Variants in CLCN3 observed in about 807,000 individuals in gnomAD.
CLCN3 encodes the protein H(+)/Cl(-) exchange transporter 3.
A neutral mutation model predicts 83.4 loss-of-function variants in CLCN3; 16 were observed. That is an observed-to-expected ratio of 0.19 (90% confidence interval 0.13 to 0.29). CLCN3 has a LOEUF of 0.29. CLCN3 is among the 10% of genes least tolerant of loss of function. The probability of loss-of-function intolerance (pLI) is 1.00; values close to 1 mark genes in which losing one functional copy is unlikely to be tolerated. For missense variants in CLCN3, 544 were observed against 1,006.0 expected (o/e 0.54, Z 6.21); for synonymous variants, 322 against 346.2 (o/e 0.93, Z 0.78).
chr4:169,715,923 T>C (rs1733406728), intron 12 of CLCN3, among the ~76,000 whole-genome samples: 1 of 152,128 alleles, frequency 6.6e-6, no homozygotes, highest in Non-Finnish European at 1.5e-5. Context: ...ATGTTGATAT[T>C]CTTTGATTCC....
intron 9 of CLCN3, among the ~76,000 whole-genome samples, chr4:169,698,166 G>A (rs1360028052): frequency 6.6e-6 from 1 of 152,166 alleles, no homozygotes; most frequent in Non-Finnish European, 1.5e-5. Context: ...TTTGATAGAG[G>A]CATGGAGTGC....
intron 2 of CLCN3, among the ~76,000 whole-genome samples, chr4:169,673,473 C>T (rs1368584457): frequency 1.3e-5 from 2 of 152,026 alleles, no homozygotes; most frequent in Non-Finnish European, 2.9e-5. Flanking sequence ...ATTTTGTTTG[C>T]TTATTATCTT....
At chr4:169,626,882 C>A (rs574124555) in intron 1 of CLCN3, among the ~76,000 whole-genome samples, 5 of 152,188 alleles carry the variant, frequency 3.3e-5, no homozygotes, top group Non-Finnish European at 7.4e-5. Context: ...AAACCAGGAA[C>A]CATGGATGAA....
chr4:169,645,488 G>A (rs1019418766), intron 2 of CLCN3, among the ~76,000 whole-genome samples: 14 of 152,112 alleles, frequency 9.2e-5, no homozygotes, highest in Admixed American at 2.6e-4. Flanking sequence ...TTTGGCTGCA[G>A]AATTAGAAAA....
chr4:169,686,846 AGATCT>A (rs1258691499), intron 3 of CLCN3, among the ~76,000 whole-genome samples: 1 of 152,190 alleles, frequency 6.6e-6, no homozygotes, highest in African/African-American at 2.4e-5. Context: ...TAGTATAGTG[AGATCT>A]GGATCAAATC....
At chr4:169,679,715 C>T (rs1299409728) in intron 2 of CLCN3, among the ~76,000 whole-genome samples, 1 of 152,192 alleles carries the variant, frequency 6.6e-6, no homozygotes, top group Non-Finnish European at 1.5e-5. Flanking sequence ...ACGGCAAAAC[C>T]CCATCTCCAC....
intron 2 of CLCN3, among the ~76,000 whole-genome samples, chr4:169,678,220 A>G (rs1414266798): frequency 3.3e-5 from 5 of 152,224 alleles, no homozygotes; most frequent in Non-Finnish European, 1.5e-5. Flanking sequence ...TACAGAGTCT[A>G]TTCCCTAATC....
chr4:169,681,778 G>T (rs773333632), intron 3 of CLCN3, among the ~76,000 whole-genome samples: 3 of 152,074 alleles, frequency 2.0e-5, no homozygotes, highest in Non-Finnish European at 4.4e-5. Flanking sequence ...ACATTTTTAC[G>T]AAACTATATT....
chr4:169,694,503 T>C (rs531592119), intron 7 of CLCN3, among the ~76,000 whole-genome samples: 1 of 152,344 alleles, frequency 6.6e-6, no homozygotes, highest in Non-Finnish European at 1.5e-5. Flanking sequence ...AGAAATACTT[T>C]AGGTAGCTTT....
chr4:169,663,756 G>A, intron 2 of CLCN3: 1 of 275,762 alleles, frequency 3.6e-6, no homozygotes, highest in Non-Finnish European at 7.3e-6. Flanking sequence ...GAATTGTTAA[G>A]GAAAAGTCAG....
intron 2 of CLCN3, among the ~76,000 whole-genome samples, chr4:169,646,381 A>G (rs889022507): frequency 2.0e-5 from 3 of 151,914 alleles, no homozygotes; most frequent in African/African-American, 7.3e-5. Context: ...TCCCAGGTGG[A>G]GTGTTGAAGT....
intron 3 of CLCN3, among the ~76,000 whole-genome samples, chr4:169,686,409 T>C (rs1483296048): frequency 6.7e-6 from 1 of 150,146 alleles, no homozygotes; most frequent in East Asian, 2.0e-4. Flanking sequence ...AGTCCTGGGC[T>C]GAAAATTGAC....
At chr4:169,693,930 TTGTG>T (rs1364139621) in intron 7 of CLCN3, among the ~76,000 whole-genome samples, 1 of 152,206 alleles carries the variant, frequency 6.6e-6, no homozygotes, top group Non-Finnish European at 1.5e-5. Flanking sequence ...TCCCATAGTT[TTGTG>T]TAGACAAGAG....
chr4:169,716,098 A>C (rs185385103), intron 12 of CLCN3, among the ~76,000 whole-genome samples: 1 of 152,296 alleles, frequency 6.6e-6, no homozygotes, highest in East Asian at 1.9e-4. Flanking sequence ...TTACATCATT[A>C]GTTTTTAGCC....
intron 2 of CLCN3, among the ~76,000 whole-genome samples, chr4:169,650,685 A>G (rs968477116): frequency 1.3e-5 from 2 of 152,238 alleles, no homozygotes; most frequent in African/African-American, 2.4e-5. Flanking sequence ...AATTATTTTT[A>G]GAAATAAACA....
At chr4:169,705,155 G>A (rs1732942821) in intron 10 of CLCN3, among the ~76,000 whole-genome samples, 4 of 152,202 alleles carry the variant, frequency 2.6e-5, no homozygotes, top group Admixed American at 2.6e-4. Context: ...TTCAGGAAGA[G>A]TAGAACATGA....
At chr4:169,633,735 G>A (rs1367620054) in intron 1 of CLCN3, among the ~76,000 whole-genome samples, 1 of 152,122 alleles carries the variant, frequency 6.6e-6, no homozygotes, top group Non-Finnish European at 1.5e-5. Flanking sequence ...TTAACCCAAT[G>A]GATCTAAAAT....
intron 7 of CLCN3, among the ~76,000 whole-genome samples, chr4:169,693,592 T>TA (rs1202043960): frequency 6.6e-6 from 1 of 152,206 alleles, no homozygotes; most frequent in Non-Finnish European, 1.5e-5. Context: ...TTACTGCCCT[T>TA]ACGACTATGT....
Position 169,689,287 on chromosome 4 carries a change from A to G in CLCN3, c.606+57A>G, listed in dbSNP as rs1732276717. ...TAATTGATATAGCAAAATGTTTCCAATTCATTTAATTATAGAACTAATCAC... is the reference window on the plus strand; with the variant it reads ...TAATTGATATAGCAAAATGTTTCCAGTTCATTTAATTATAGAACTAATCAC... On this transcript the variant is annotated intron_variant, in intron 5 of 12. Coordinates refer to ENST00000513761, the MANE Select transcript of CLCN3 (RefSeq NM_001829.4). 7.7e-6 allele frequency: 11 copies of G among 1,428,136 alleles called. No homozygotes were observed. In the Admixed American group the frequency reaches 9.4e-5, roughly 12 times the overall value. 88.5% of individuals were successfully genotyped at this position (1,428,136 alleles called of 1,614,324 possible).
Sources: allele counts gnomAD v4.1 joint callset (sites outside exome capture counted in the v4.1 genomes callset), GRCh38; gene constraint gnomAD v4.1.1; transcripts MANE v1.5; gene names NCBI Gene and HGNC (gene_info 2026-07-23, HGNC 2026-07-21).